COLEC12: variants seen among roughly 807,000 people sequenced by gnomAD.
The protein encoded by COLEC12 is collectin-12.
A neutral mutation model predicts 71.1 loss-of-function variants in COLEC12; 33 were observed. That is an observed-to-expected ratio of 0.46 (90% confidence interval 0.35 to 0.62). The LOEUF is 0.62. Among genes scored for constraint, COLEC12 ranks in the 20% least tolerant of loss-of-function variants. The pLI is 0.00. For missense variants in COLEC12, 765 were observed against 916.1 expected (o/e 0.84, Z 2.13); for synonymous variants, 350 against 353.0 (o/e 0.99, Z 0.10).
intron 2 of COLEC12, among the ~76,000 whole-genome samples, chr18:395,885 C>T (rs12959619): frequency 0.13 from 19,358 of 152,152 alleles, 1,568 homozygotes; most frequent in East Asian, 0.3. Flanking sequence ...GCATTTATCT[C>T]GCAGCGTGCG....
intron 2 of COLEC12, among the ~76,000 whole-genome samples, chr18:448,296 T>C (rs893267840): frequency 6.6e-6 from 1 of 152,210 alleles, no homozygotes; most frequent in Non-Finnish European, 1.5e-5. Flanking sequence ...AAACGAGCGT[T>C]CGCTAAAGTC....
In COLEC12 at chr18:333,018, T is replaced by C; in HGVS notation, c.1942A>G (p.Arg648Gly). ...KSSHLVFINT[R>G]EEQQWIKKQM... The stretch of plus-strand genomic sequence containing the variant: ...TGTGGCAGGCATACCTGTTCCTCTC[T>C]AGTGTTTATGAAAACAAGATGTGAA... Residue 648 changes from arginine to glycine, a missense_variant, in exon 7 of 10, where the codon AGA (arginine) becomes GGA (glycine). Coordinates refer to ENST00000400256, the MANE Select transcript of COLEC12 (RefSeq NM_130386.3). 6.2e-7 allele frequency: 1 copy of C among 1,602,082 alleles called. No individual in the cohort carries two copies. Among genetic ancestry groups the C allele is most frequent in the Non-Finnish European group, 8.5e-7 (1 of 1,176,430 alleles).
chr18:379,637 G>T (rs1339337708), intron 2 of COLEC12, among the ~76,000 whole-genome samples: 1 of 152,074 alleles, frequency 6.6e-6, no homozygotes, highest in Admixed American at 6.5e-5. Context: ...TGTTTCTATT[G>T]TTCCACTAAG....
Position 333,139 on chromosome 18 carries a change from G to A in COLEC12, c.1821C>T (p.Cys607=). The change falls in exon 7 of 10, where the codon TGC becomes TGT. Residue 607 remains cysteine (C), a synonymous_variant. Transcript: ENST00000400256. ...EPTPAPEDNG[C]PPHWKNFTDK... is the part of the protein sequence containing the mutation. ...CTGTGAAGTTCTTCCAGTGAGGCGGGCAGCCTAGGAATGCAAAAGTGGAAA... is the reference window on the plus strand; with the variant it reads ...CTGTGAAGTTCTTCCAGTGAGGCGGACAGCCTAGGAATGCAAAAGTGGAAA... The A allele has an allele frequency of 6.2e-7, 1 of 1,601,052 alleles. No individual in the cohort carries two copies. Among genetic ancestry groups the A allele is most frequent in the Non-Finnish European group, 8.5e-7 (1 of 1,175,628 alleles).
At chr18:485,025 A>C (rs1344599503) in intron 1 of COLEC12, among the ~76,000 whole-genome samples, 1 of 152,242 alleles carries the variant, frequency 6.6e-6, no homozygotes, top group Non-Finnish European at 1.5e-5. Context: ...CCATTGACTA[A>C]AACATGCTAG....
chr18:402,614 C>A (rs973993792), intron 2 of COLEC12, among the ~76,000 whole-genome samples: 8 of 152,102 alleles, frequency 5.3e-5, no homozygotes, highest in African/African-American at 1.7e-4. Context: ...ATCTAAAGAT[C>A]CAGAAATCTT....
At chr18:463,466 G>A (rs1917023724) in intron 2 of COLEC12, among the ~76,000 whole-genome samples, 1 of 152,142 alleles carries the variant, frequency 6.6e-6, no homozygotes, top group Non-Finnish European at 1.5e-5. Flanking sequence ...CACACACAGA[G>A]AGAAAAATAA....
At chr18:383,413 C>T (rs1359263762) in intron 2 of COLEC12, among the ~76,000 whole-genome samples, 1 of 151,778 alleles carries the variant, frequency 6.6e-6, no homozygotes, top group Non-Finnish European at 1.5e-5. Context: ...ATGTATGTGC[C>T]CAACTCCCCG....
At chr18:470,557 G>C (rs1917175299) in intron 2 of COLEC12, among the ~76,000 whole-genome samples, 1 of 151,836 alleles carries the variant, frequency 6.6e-6, no homozygotes, top group Admixed American at 6.6e-5. Context: ...GACCAGCCTG[G>C]GCAATGTAGC....
chr18:480,976 G>A lies in COLEC12; in HGVS notation c.8-219C>T, dbSNP rs369958741. On this transcript the variant is annotated intron_variant, in intron 1 of 9. Coordinates refer to ENST00000400256, the MANE Select transcript of COLEC12 (RefSeq NM_130386.3). This position sits in a 1 kb window ranked among gnomAD's most constrained non-coding sequence, Gnocchi z 4.1. ...CCTCTGTTCCTAATGTGACTCCTTC[G>A]AATTCAGGTCTTAGCTAAAGTGCGA... Among the ~76,000 whole-genome samples the A allele has an allele frequency of 8.5e-5, 13 of 152,164 alleles. No individual in the cohort carries two copies. The South Asian group carries it at 2.1e-3, about 24-fold the overall frequency.
intron 2 of COLEC12, among the ~76,000 whole-genome samples, chr18:441,084 T>TA (rs1916514751): frequency 2.1e-5 from 1 of 47,052 alleles, no homozygotes; most frequent in Non-Finnish European, 5.3e-5. Flanking sequence ...CTGTCTCTAC[T>TA]AAAAATACAA....
chr18:471,456 C>A (rs933783555), intron 2 of COLEC12, among the ~76,000 whole-genome samples: 2 of 151,488 alleles, frequency 1.3e-5, no homozygotes, highest in Non-Finnish European at 2.9e-5. Context: ...CTCTATTATG[C>A]TGATGTCTTG....
chr18:342,508 C>A (rs1914279106), intron 5 of COLEC12, among the ~76,000 whole-genome samples: 1 of 152,264 alleles, frequency 6.6e-6, no homozygotes, highest in Non-Finnish European at 1.5e-5. Flanking sequence ...TATTTTGAAT[C>A]TTGCAGATGC....
intron 2 of COLEC12, among the ~76,000 whole-genome samples, chr18:383,281 T>C (rs1039544378): frequency 7.2e-5 from 11 of 152,220 alleles, no homozygotes; most frequent in African/African-American, 2.7e-4. Context: ...ACGAGAGTAA[T>C]GGCTTAGTAG....
In COLEC12 at chr18:319,464, G is replaced by A. The variant is rs761193365; in HGVS notation, c.*581C>T. On this transcript the variant is annotated 3_prime_UTR_variant, in exon 10 of 10. Transcript: ENST00000400256. ...CAGGAAACCCTAGGAGTTTTTATTA[G>A]TACCATTATTGTTTTCTTTGGCTCC... The A allele has an allele frequency of 7.2e-6, 1 of 139,424 alleles. No homozygotes were observed. Among genetic ancestry groups the A allele is most frequent in the Non-Finnish European group, 1.5e-5 (1 of 65,768 alleles). The allele number at this position is 139,424 out of a possible 1,614,324, so 8.6% of individuals were successfully genotyped here. A position where few individuals can be genotyped will look rare whatever the true frequency, so the allele number is the denominator to read the frequency against.
At chr18:402,110 C>T (rs1203128450) in intron 2 of COLEC12, among the ~76,000 whole-genome samples, 1 of 152,074 alleles carries the variant, frequency 6.6e-6, no homozygotes, top group Non-Finnish European at 1.5e-5. Flanking sequence ...GGACAAAACA[C>T]AGAAGCAAAG....
chr18:450,301 A>C (rs1265697598), intron 2 of COLEC12, among the ~76,000 whole-genome samples: 1 of 152,166 alleles, frequency 6.6e-6, no homozygotes, highest in African/African-American at 2.4e-5. Context: ...TCGATTTGTA[A>C]TCCCCAATGT....
intron 1 of COLEC12, among the ~76,000 whole-genome samples, chr18:492,535 C>T (rs1308413261): frequency 1.3e-5 from 2 of 152,104 alleles, no homozygotes; most frequent in African/African-American, 4.8e-5. Flanking sequence ...TCCCTTTCTT[C>T]TATGAGGAAA....
chr18:465,378 A>G lies in COLEC12; in HGVS notation c.58+15329T>C, dbSNP rs555670634. ...CTGACTCCCAAAGTGTTGGGATTAC[A>G]GGCATGAGCCACTGCACCCAGCCAA... On this transcript the variant is annotated intron_variant, in intron 2 of 9. Coordinates refer to ENST00000400256, the MANE Select transcript of COLEC12 (RefSeq NM_130386.3). Among the ~76,000 whole-genome samples the G allele has an allele frequency of 1.1e-4, 16 of 152,310 alleles. No homozygotes were observed. The South Asian group carries it at 3.3e-3, about 32-fold the overall frequency.
Sources: gnomAD v4.1 joint callset for allele counts (sites outside exome capture counted in the v4.1 genomes callset) on GRCh38, gnomAD v4.1.1 for gene constraint, Gnocchi (gnomAD v3.1) non-coding constraint, MANE v1.5 for transcripts, NCBI Gene and HGNC (gene_info 2026-07-23, HGNC 2026-07-21) for gene names.